PARD3B: variants seen among roughly 807,000 people sequenced by gnomAD.
PARD3B encodes par-3 family cell polarity regulator beta.
A neutral mutation model predicts 130.2 loss-of-function variants in PARD3B; 103 were observed. The observed-to-expected ratio is 0.79, with a 90% CI of 0.67 to 0.93. The LOEUF is 0.93. PARD3B is among the 40% of genes least tolerant of loss of function. The pLI is 0.00. For synonymous variants in PARD3B, 583 were observed against 553.2 expected, an observed-to-expected ratio of 1.05 and a Z score of -0.76; for missense variants, 1,609 against 1,499.2, an observed-to-expected ratio of 1.07 and a Z score of -1.21.
chr2:204,738,778 C>T (rs764693455), intron 2 of PARD3B, among the ~76,000 whole-genome samples: 1 of 152,202 alleles, frequency 6.6e-6, no homozygotes, highest in South Asian at 2.1e-4. Context: ...TCCCTTTCAT[C>T]GGCAAATGAG....
At chr2:205,140,560 A>T (rs935555941) in intron 10 of PARD3B, among the ~76,000 whole-genome samples, 19 of 144,684 alleles carry the variant, frequency 1.3e-4, no homozygotes, top group Non-Finnish European at 2.5e-4. Flanking sequence ...TCCTAATAGG[A>T]TGTTAGGAAA....
rs763836653 is a variant in PARD3B, at chr2:205,321,533, T to G, written c.2630+19832T>G. Among the ~76,000 whole-genome samples, 32 of 152,104 alleles carry G rather than the reference T, an allele frequency of 2.1e-4. No individual in the cohort carries two copies. The highest frequency in any genetic ancestry group is 7.4e-5 in the Non-Finnish European group (5 of 68,026). On this transcript the variant is annotated intron_variant, in intron 18 of 22. Coordinates refer to ENST00000406610, the MANE Select transcript of PARD3B (RefSeq NM_001302769.2). This position sits in a 1 kb window ranked among gnomAD's most constrained non-coding sequence, Gnocchi z 4.2. ...GAATGTATATGCACAAATGCAGGCA[T>G]GCATGCATTTTTCTCTTAATAACTT... is the stretch of plus-strand genomic sequence containing the variant.
intron 18 of PARD3B, among the ~76,000 whole-genome samples, chr2:205,326,337 A>G (rs757964102): frequency 2.0e-5 from 3 of 152,184 alleles, no homozygotes; most frequent in Non-Finnish European, 4.4e-5. Context: ...TAAAGTAAAC[A>G]AAAATCTTAT....
At chr2:205,213,624 A>G (rs2037761349) in intron 15 of PARD3B, among the ~76,000 whole-genome samples, 1 of 152,198 alleles carries the variant, frequency 6.6e-6, no homozygotes. Context: ...ATTAAATGAC[A>G]AGTGAATAAA....
intron 22 of PARD3B, among the ~76,000 whole-genome samples, chr2:205,557,421 T>A (rs551242258): frequency 6.6e-6 from 1 of 152,268 alleles, no homozygotes; most frequent in African/African-American, 2.4e-5. Flanking sequence ...CTTTATGACC[T>A]TGAGGCATTC....
chr2:205,030,535 T>TA (rs1169007020), intron 3 of PARD3B, among the ~76,000 whole-genome samples: 1 of 152,126 alleles, frequency 6.6e-6, no homozygotes, highest in Non-Finnish European at 1.5e-5. Flanking sequence ...AACTTAACGT[T>TA]TCTTCTGCCA....
intron 1 of PARD3B, among the ~76,000 whole-genome samples, chr2:204,586,908 T>A (rs1339626734): frequency 6.6e-6 from 1 of 152,214 alleles, no homozygotes. Context: ...CATGTTCGAA[T>A]GATTATTTTA....
chr2:205,238,886 G>GTA (rs372313084), intron 15 of PARD3B, among the ~76,000 whole-genome samples: 19,098 of 91,642 alleles, frequency 0.21, 2,286 homozygotes, highest in East Asian at 0.47. Context: ...ATGTATGTGT[G>GTA]TATATATATA....
rs2125212682 is a variant in PARD3B at position 204,673,128 on chromosome 2, A to G, written c.121-13053A>G. On this transcript the variant is annotated intron_variant, in intron 1 of 22. Transcript: ENST00000406610. This position sits in a 1 kb window ranked among gnomAD's most constrained non-coding sequence, Gnocchi z 4.7. ...TTACTTTAAAGCTCATACTTTTTCC[A>G]CGAAGCATTTTGGGGAGTATGCTGA... is the stretch of plus-strand genomic sequence containing the variant. 6.6e-6 allele frequency among the ~76,000 whole-genome samples: 1 copy of G among 152,268 alleles called. No homozygotes were observed. The highest frequency in any genetic ancestry group is 1.5e-5 in the Non-Finnish European group (1 of 68,022).
At chr2:205,370,507 A>C (rs1218972373) in intron 18 of PARD3B, among the ~76,000 whole-genome samples, 1 of 152,134 alleles carries the variant, frequency 6.6e-6, no homozygotes, top group Non-Finnish European at 1.5e-5. Context: ...CTCTCGAGGA[A>C]GGCAGGGATG....
chr2:205,162,508 G>A (rs1019592071), intron 11 of PARD3B, among the ~76,000 whole-genome samples: 1 of 152,232 alleles, frequency 6.6e-6, no homozygotes, highest in Non-Finnish European at 1.5e-5. Flanking sequence ...GTTTCATTTA[G>A]TTACTGTCTT....
At chr2:204,670,852 C>CT (rs1471425280) in intron 1 of PARD3B, among the ~76,000 whole-genome samples, 11 of 152,060 alleles carry the variant, frequency 7.2e-5, no homozygotes, top group Admixed American at 3.3e-4. Context: ...GAATCTCATG[C>CT]TTTTTTTCCG....
intron 3 of PARD3B, among the ~76,000 whole-genome samples, chr2:205,035,074 G>C (rs1030551874): frequency 2.0e-5 from 3 of 151,906 alleles, no homozygotes; most frequent in Non-Finnish European, 2.9e-5. Context: ...TGTTGTCCAG[G>C]CTGGTCTCGA....
intron 2 of PARD3B, among the ~76,000 whole-genome samples, chr2:204,715,942 C>T (rs2038699694): frequency 6.6e-6 from 1 of 152,152 alleles, no homozygotes; most frequent in African/African-American, 2.4e-5. Flanking sequence ...TCGCCTGGCA[C>T]ACAGATTCAT....
At chr2:205,427,137 GA>G (rs1322769819) in intron 19 of PARD3B, among the ~76,000 whole-genome samples, 1 of 152,182 alleles carries the variant, frequency 6.6e-6, no homozygotes, top group African/African-American at 2.4e-5. Flanking sequence ...AGACTGTAGA[GA>G]AACAGGCATC....
intron 19 of PARD3B, among the ~76,000 whole-genome samples, chr2:205,429,181 T>TA (rs1170390708): frequency 6.6e-6 from 1 of 152,166 alleles, no homozygotes; most frequent in Non-Finnish European, 1.5e-5. Flanking sequence ...TGGACTTACA[T>TA]AAAAAACCAT....
chr2:204,588,959 C>G (rs2032955621), intron 1 of PARD3B, among the ~76,000 whole-genome samples: 1 of 151,834 alleles, frequency 6.6e-6, no homozygotes, highest in South Asian at 2.1e-4. Context: ...GGTTTTCTTT[C>G]TTTCTCAAGC....
At chr2:205,505,864 C>T (rs950521470) in intron 21 of PARD3B, among the ~76,000 whole-genome samples, 1 of 151,926 alleles carries the variant, frequency 6.6e-6, no homozygotes, top group Non-Finnish European at 1.5e-5. Context: ...TATCATTATC[C>T]CCCCGCCCAA....
At chr2:205,261,197 A>C (rs1043064969) in intron 16 of PARD3B, among the ~76,000 whole-genome samples, 1 of 152,052 alleles carries the variant, frequency 6.6e-6, no homozygotes, top group Non-Finnish European at 1.5e-5. Context: ...ATATTTTGAG[A>C]ATTGATATAT....
Sources: gnomAD v4.1 joint callset for allele counts (sites outside exome capture counted in the v4.1 genomes callset) on GRCh38, gnomAD v4.1.1 for gene constraint, Gnocchi (gnomAD v3.1) non-coding constraint, MANE v1.5 for transcripts, NCBI Gene and HGNC (gene_info 2026-07-23, HGNC 2026-07-21) for gene names.